The following PPID variants were observed in gnomAD, a reference collection of about 807,000 sequenced individuals.
The protein encoded by PPID is peptidylprolyl isomerase D, also known as peptidyl-prolyl cis-trans isomerase D.
Under a neutral mutation model 48.1 loss-of-function variants are expected in PPID, and 47 were observed. The ratio of observed to expected loss-of-function variants is 0.98; its 90% CI spans 0.77 to 1.25. The LOEUF (loss-of-function observed/expected upper bound fraction) is 1.25, where lower values mean the gene tolerates loss of function less well. Ranked by LOEUF, PPID falls within the 50% of genes most tolerant of loss-of-function variation. The pLI, the probability that PPID is intolerant of heterozygous loss-of-function variation, is 0.00. For synonymous variants in PPID, 163 were observed against 148.8 expected, an observed-to-expected ratio of 1.10 and a Z score of -0.69; for missense variants, 429 against 443.5, an observed-to-expected ratio of 0.97 and a Z score of 0.29.
At position 158,719,179 on chromosome 4, in the gene PPID, C is replaced by A; in HGVS notation, c.333+1G>T. ...AATAACATGCATTTTCTCTACTTTACCTTGTAATGGAAATTTTCATCTTCA... is the reference window on the plus strand; with the variant it reads ...AATAACATGCATTTTCTCTACTTTAACTTGTAATGGAAATTTTCATCTTCA... On this transcript the variant is annotated splice_donor_variant, in intron 3 of 9. Coordinates refer to ENST00000307720, the MANE Select transcript of PPID (RefSeq NM_005038.3). LOFTEE classifies it high-confidence loss of function. 6.4e-7 allele frequency: 1 copy of A among 1,557,256 alleles called. No individual in the cohort carries two copies. The highest frequency in any genetic ancestry group is 8.8e-7 in the Non-Finnish European group (1 of 1,129,950).
In PPID at chr4:158,717,003, T is replaced by G. The variant is rs1465475488; in HGVS notation, c.522+9A>C. 1 of 1,603,222 alleles carries G rather than the reference T, an allele frequency of 6.2e-7. No individual in the cohort carries two copies. The highest frequency in any genetic ancestry group is 8.5e-7 in the Non-Finnish European group (1 of 1,170,732). ...TAATAAGTGTATTTCACTGTAACTTTTTACTTACTTTAGCAGGTTTTTCAC... is the reference window on the plus strand; with the variant it reads ...TAATAAGTGTATTTCACTGTAACTTGTTACTTACTTTAGCAGGTTTTTCAC... On this transcript the variant is annotated intron_variant, in intron 4 of 9. Transcript: ENST00000307720.
At chr4:158,710,350 C>T (rs1478309707) in intron 9 of PPID, 4 of 515,578 alleles carry the variant, frequency 7.8e-6, no homozygotes, top group Admixed American at 3.6e-5. Flanking sequence ...ATAAGACAAA[C>T]AGTATTTAGA....
At chr4:158,719,142 C>A (rs1774915518) in intron 3 of PPID, 38 bp downstream of exon 3, 1 of 1,366,824 alleles carries the variant, frequency 7.3e-7, no homozygotes, top group African/African-American at 1.4e-5. Flanking sequence ...ATATAACAAT[C>A]TTTTTATCAG....
chr4:158,721,563 T>A, intron 1 of PPID, 80 bp from the exon 2 acceptor site: 1 of 1,483,734 alleles, frequency 6.7e-7, no homozygotes, highest in East Asian at 2.4e-5. Context: ...ATAATTATGG[T>A]AGCAGATCAA....
intron 7 of PPID, among the ~76,000 whole-genome samples, chr4:158,711,314 C>A (rs1027607234): frequency 6.6e-6 from 1 of 152,020 alleles, no homozygotes; most frequent in Admixed American, 6.6e-5. Context: ...CTGCCTCAAC[C>A]CCCCAGGCTC....
intron 1 of PPID, among the ~76,000 whole-genome samples, 173 bp from the exon 2 acceptor site, chr4:158,721,656 CATT>C: frequency 1.3e-5 from 2 of 152,182 alleles, no homozygotes. Flanking sequence ...TAACTATAGT[CATT>C]ATGTTATACA....
chr4:158,714,536 G>A (rs556279790), intron 6 of PPID, among the ~76,000 whole-genome samples: 1 of 151,640 alleles, frequency 6.6e-6, no homozygotes, highest in African/African-American at 2.4e-5. Flanking sequence ...ATCTTAGTTT[G>A]GACCCTTGAT....
chr4:158,714,195 T>A (rs1774833557), intron 6 of PPID, among the ~76,000 whole-genome samples: 1 of 152,198 alleles, frequency 6.6e-6, no homozygotes, highest in African/African-American at 2.4e-5. Context: ...ATCCACTGTG[T>A]GAAAAGTTGT....
chr4:158,723,233 A>G lies in PPID; in HGVS notation c.56T>C (p.Phe19Ser). Residue 19 changes from phenylalanine (F) to serine (S), a missense_variant, in exon 1 of 10, where the codon TTC (phenylalanine) becomes TCC (serine). By Grantham distance (155) the Phe-to-Ser change is radical. Transcript: ENST00000307720. The stretch of plus-strand genomic sequence containing the variant: ...CTCCCCTCCGATGTCCACGTCAAAG[A>G]AGACTCGAGGGTTACTGGGGTTGGA... ...KPSNPSNPRV[F>S]FDVDIGGERV... 6.2e-7 allele frequency: 1 copy of G among 1,613,992 alleles called. No individual in the cohort carries two copies. Among genetic ancestry groups the G allele is most frequent in the South Asian group, 1.1e-5 (1 of 91,072 alleles).
Position 158,709,740 on chromosome 4 carries a change from G to A in PPID, c.1109C>T (p.Ala370Val), listed in dbSNP as rs1354037728. The A allele has an allele frequency of 6.3e-7, 1 of 1,599,022 alleles. No homozygotes were observed. Among genetic ancestry groups the A allele is most frequent in the Non-Finnish European group, 8.6e-7 (1 of 1,168,932 alleles). The change falls in exon 10 of 10, where the codon GCT becomes GTT. Residue 370 changes from alanine (A) to valine (V), a missense_variant. By Grantham distance (64) the Ala-to-Val change is moderately conservative. Coordinates refer to ENST00000307720, the MANE Select transcript of PPID (RefSeq NM_005038.3). Reference sequence around the variant, plus strand: ...ATAAGCAAAACTGAATCCTTTCTAAGCAAACATTTTTGCATATACTGCCTT... The same window carrying A: ...ATAAGCAAAACTGAATCCTTTCTAAACAAACATTTTTGCATATACTGCCTT... ...KEKAVYAKMF[A>V]
chr4:158,723,091 T>C, intron 1 of PPID, 113 bp downstream of exon 1: 1 of 1,096,404 alleles, frequency 9.1e-7, no homozygotes, highest in Non-Finnish European at 1.3e-6. Context: ...AGCCATCCCC[T>C]CCGCGAAACT....
In PPID at chr4:158,723,090, C is replaced by T. The variant is rs1272380726; in HGVS notation, c.85+114G>A. 3 of 1,091,128 alleles carry T rather than the reference C, an allele frequency of 2.7e-6. No homozygotes were observed. The African/African-American group carries it at 4.7e-5, about 17-fold the overall frequency. 67.6% of individuals were successfully genotyped at this position (1,091,128 alleles called of 1,614,324 possible). A position where few individuals can be genotyped will look rare whatever the true frequency, so the allele number is the denominator to read the frequency against. On this transcript the variant is annotated intron_variant, in intron 1 of 9. Transcript: ENST00000307720. ...GCGGACCAGCCTAGGCAGCCATCCC[C>T]TCCGCGAAACTGAGCAGTCACCGGC...
intron 1 of PPID, among the ~76,000 whole-genome samples, chr4:158,721,938 AT>A (rs1774969669): frequency 6.6e-6 from 1 of 152,196 alleles, no homozygotes; most frequent in African/African-American, 2.4e-5. Flanking sequence ...CATATATCAA[AT>A]TTTAAAAAAA....
Position 158,719,193 on chromosome 4 carries a change from T to C in PPID, c.320A>G (p.Asn107Ser). 8.2e-6 allele frequency: 13 copies of C among 1,590,228 alleles called. No homozygotes were observed. The highest frequency in any genetic ancestry group is 1.1e-5 in the Non-Finnish European group (13 of 1,159,270). ...TCTCTACTTTACCTTGTAATGGAAA[T>C]TTTCATCTTCAAATTTTTCACCATA... is the stretch of plus-strand genomic sequence containing the variant. ...SIYGEKFEDE[N>S]FHYKHDREGL... is the part of the protein sequence containing the mutation. The change falls in exon 3 of 10, where the codon AAT becomes AGT. Residue 107 changes from asparagine (N) to serine (S), a missense_variant. Physicochemically the swap from Asn to Ser is conservative, Grantham distance 46. Coordinates refer to ENST00000307720, the MANE Select transcript of PPID (RefSeq NM_005038.3).
chr4:158,709,496 C>T lies in PPID; in HGVS notation c.*240G>A, dbSNP rs912427265. On this transcript the variant is annotated 3_prime_UTR_variant, in exon 10 of 10. Transcript: ENST00000307720. ...GCAGTGAGCCGAGATTGCGCCACCG[C>T]ACTCCAGCCTGGGTGACAGAGCAAG... is the stretch of plus-strand genomic sequence containing the variant. The T allele has an allele frequency of 7.7e-5, 23 of 297,826 alleles. No homozygotes were observed. Among genetic ancestry groups the T allele is most frequent in the Admixed American group, 3.1e-4 (6 of 19,402 alleles). The allele number at this position is 297,826 out of a possible 1,614,324, so 18.4% of individuals were successfully genotyped here.
chr4:158,715,365 G>A lies in PPID; in HGVS notation c.684C>T (p.Asn228=), dbSNP rs757077290. ...KILLITEDLK[N]IGNTFFKSQN... is the part of the protein sequence containing the mutation. The stretch of plus-strand genomic sequence containing the variant: ...GGGATTTGAAAAAAGTATTTCCAAT[G>A]TTTTTTAAGTCTTCTGTTATTAATA... The change falls in exon 6 of 10, where the codon AAC becomes AAT. Residue 228 remains asparagine, a synonymous_variant. Coordinates refer to ENST00000307720, the MANE Select transcript of PPID (RefSeq NM_005038.3). 6.5e-7 allele frequency: 1 copy of A among 1,539,134 alleles called. No homozygotes were observed. Among genetic ancestry groups the A allele is most frequent in the Non-Finnish European group, 8.7e-7 (1 of 1,145,294 alleles).
Position 158,709,429 on chromosome 4 carries a change from A to C in PPID, c.*307T>G. 1.1e-5 allele frequency: 2 copies of C among 189,774 alleles called. No homozygotes were observed. The highest frequency in any genetic ancestry group is 2.2e-5 in the Non-Finnish European group (2 of 92,800). 11.8% of individuals were successfully genotyped at this position (189,774 alleles called of 1,614,324 possible). On this transcript the variant is annotated 3_prime_UTR_variant, in exon 10 of 10. Transcript: ENST00000307720. Reference sequence around the variant, plus strand: ...TGCCTGTAATCCCAGCTACTTGGGAAGCTGAGGCAGGAGAATTGCTTGAAC... The same window carrying C: ...TGCCTGTAATCCCAGCTACTTGGGACGCTGAGGCAGGAGAATTGCTTGAAC...
At chr4:158,720,991 G>A (rs140987270) in intron 2 of PPID, among the ~76,000 whole-genome samples, 297 of 152,316 alleles carry the variant, frequency 1.9e-3, no homozygotes, top group African/African-American at 6.9e-3. Context: ...TGGGATTACA[G>A]GCGTGAGCCA....
intron 4 of PPID, 33 bp downstream of exon 4, chr4:158,716,979 A>G (rs762519936): frequency 2.4e-5 from 38 of 1,576,864 alleles, no homozygotes; most frequent in Non-Finnish European, 3.0e-5. Context: ...CAACTAAGAT[A>G]ATAAGTGTAT....
Sources: allele counts gnomAD v4.1 joint callset (sites outside exome capture counted in the v4.1 genomes callset), GRCh38; gene constraint gnomAD v4.1.1; transcripts MANE v1.5; gene names NCBI Gene and HGNC (gene_info 2026-07-23, HGNC 2026-07-21).